Variants in EYS observed in about 807,000 individuals in gnomAD.
EYS encodes EGF-like photoreceptor maintenance factor.
EYS carries 250 observed loss-of-function variants against 282.1 expected under a neutral mutation model. The ratio of observed to expected loss-of-function variants is 0.89; its 90% CI spans 0.80 to 0.98. EYS has a LOEUF of 0.98. Among genes scored for constraint, EYS ranks in the 50% least tolerant of loss-of-function variants. The pLI is 0.00. For synonymous variants in EYS, 1,355 were observed against 1,282.9 expected, an observed-to-expected ratio of 1.06 and a Z score of -1.20; for missense variants, 4,016 against 3,709.0, an observed-to-expected ratio of 1.08 and a Z score of -2.15.
At chr6:64,030,883 C>T (rs987520316) in intron 33 of EYS, among the ~76,000 whole-genome samples, 5 of 152,234 alleles carry the variant, frequency 3.3e-5, no homozygotes, top group Non-Finnish European at 7.3e-5. Flanking sequence ...CTCTGGAGGA[C>T]ACTACAACTG....
chr6:65,283,254 C>A (rs1278159816), intron 12 of EYS, among the ~76,000 whole-genome samples: 2 of 151,734 alleles, frequency 1.3e-5, no homozygotes, highest in African/African-American at 2.4e-5. Context: ...TTAAAAAGAA[C>A]AAGTCTCATT....
chr6:65,039,758 T>C (rs550467042), intron 13 of EYS, among the ~76,000 whole-genome samples: 10 of 151,772 alleles, frequency 6.6e-5, no homozygotes, highest in South Asian at 4.1e-4. Context: ...CTAAGTCTTA[T>C]GCTATGATGG....
intron 31 of EYS, among the ~76,000 whole-genome samples, chr6:64,157,554 G>A (rs1040866653): frequency 6.6e-5 from 10 of 152,112 alleles, no homozygotes; most frequent in Admixed American, 3.3e-4. Context: ...AACTGGTTTC[G>A]TGGGCCAGGT....
At chr6:65,677,196 A>G (rs1189235780) in intron 1 of EYS, among the ~76,000 whole-genome samples, 1 of 151,544 alleles carries the variant, frequency 6.6e-6, no homozygotes, top group Non-Finnish European at 1.5e-5. Context: ...TCTATTCAAC[A>G]TAGTACCAGA....
intron 32 of EYS, among the ~76,000 whole-genome samples, chr6:64,072,021 C>T (rs1771599371): frequency 1.3e-5 from 2 of 151,912 alleles, no homozygotes; most frequent in South Asian, 2.1e-4. Context: ...CACAGAAGTA[C>T]GTTTCCCATT....
intron 2 of EYS, among the ~76,000 whole-genome samples, chr6:65,581,345 C>T (rs925418273): frequency 2.6e-5 from 4 of 152,000 alleles, no homozygotes; most frequent in South Asian, 2.1e-4. Flanking sequence ...GTACAGCAAA[C>T]GTTTTAAAAG....
intron 26 of EYS, among the ~76,000 whole-genome samples, chr6:64,527,042 G>C (rs1777944170): frequency 6.6e-6 from 1 of 151,446 alleles, no homozygotes; most frequent in African/African-American, 2.4e-5. Flanking sequence ...TTTGAGTAAA[G>C]AAAAAAAATT....
chr6:65,639,449 AT>A (rs1438469399), intron 2 of EYS, among the ~76,000 whole-genome samples: 1 of 152,026 alleles, frequency 6.6e-6, no homozygotes, highest in Admixed American at 6.6e-5. Flanking sequence ...GATGCATTTA[AT>A]AATGGATTAT....
chr6:64,207,720 C>G (rs146554776), intron 31 of EYS, among the ~76,000 whole-genome samples: 1 of 151,962 alleles, frequency 6.6e-6, no homozygotes, highest in Non-Finnish European at 1.5e-5. Context: ...TGCAGTGGTG[C>G]GACCTCGGAT....
intron 12 of EYS, among the ~76,000 whole-genome samples, chr6:65,138,532 A>G (rs1776086503): frequency 6.6e-6 from 1 of 152,118 alleles, no homozygotes; most frequent in Non-Finnish European, 1.5e-5. Context: ...CATTATTTGT[A>G]AAACAAACAG....
chr6:64,770,273 A>AAT (rs1219961929), intron 22 of EYS, among the ~76,000 whole-genome samples: 10 of 151,982 alleles, frequency 6.6e-5, no homozygotes, highest in South Asian at 4.1e-4. Flanking sequence ...TACAAACAGG[A>AAT]ATAGAAATGG....
intron 22 of EYS, among the ~76,000 whole-genome samples, chr6:64,793,790 T>C (rs1014140701): frequency 6.6e-6 from 1 of 151,478 alleles, no homozygotes; most frequent in Non-Finnish European, 1.5e-5. Flanking sequence ...GAACAATTAT[T>C]TTTCCATCTG....
At chr6:64,835,860 G>A (rs1765367205) in intron 19 of EYS, among the ~76,000 whole-genome samples, 1 of 151,540 alleles carries the variant, frequency 6.6e-6, no homozygotes, top group African/African-American at 2.4e-5. Context: ...GCAGTAACGT[G>A]GTAGTATTAT....
At chr6:64,361,635 T>C (rs956323913) in intron 29 of EYS, among the ~76,000 whole-genome samples, 1 of 151,786 alleles carries the variant, frequency 6.6e-6, no homozygotes, top group Non-Finnish European at 1.5e-5. Context: ...AATAAGAAGA[T>C]CTTCTTTTGG....
chr6:63,851,678 A>T (rs1431984705), intron 36 of EYS, among the ~76,000 whole-genome samples: 1 of 152,224 alleles, frequency 6.6e-6, no homozygotes, highest in Non-Finnish European at 1.5e-5. Flanking sequence ...AGCAGTGTTT[A>T]GAGGGAAATT....
At chr6:64,501,524 TA>T (rs1205958883) in intron 26 of EYS, among the ~76,000 whole-genome samples, 1 of 151,912 alleles carries the variant, frequency 6.6e-6, no homozygotes, top group Non-Finnish European at 1.5e-5. Flanking sequence ...ACATCCTCAT[TA>T]AAAAAAGATT....
intron 37 of EYS, among the ~76,000 whole-genome samples, chr6:63,800,628 C>T (rs536131040): frequency 1.3e-5 from 2 of 151,942 alleles, no homozygotes; most frequent in Admixed American, 6.6e-5. Context: ...ATGATGAAAC[C>T]GCGTCTCTAT....
intron 12 of EYS, among the ~76,000 whole-genome samples, chr6:65,057,978 T>C (rs1174438768): frequency 1.3e-5 from 2 of 152,122 alleles, no homozygotes; most frequent in Non-Finnish European, 2.9e-5. Context: ...CAAAGTCTCT[T>C]TAGATGTGAA....
intron 8 of EYS, among the ~76,000 whole-genome samples, chr6:65,374,317 C>G (rs1765271857): frequency 6.6e-6 from 1 of 152,056 alleles, no homozygotes; most frequent in South Asian, 2.1e-4. Flanking sequence ...CCTACCCTAG[C>G]TAAGGGAAGC....
Sources: gnomAD v4.1 joint callset for allele counts (sites outside exome capture counted in the v4.1 genomes callset) on GRCh38, gnomAD v4.1.1 for gene constraint, MANE v1.5 for transcripts, NCBI Gene and HGNC (gene_info 2026-07-23, HGNC 2026-07-21) for gene names.